CLEC4D: variants seen among roughly 807,000 people sequenced by gnomAD.
The protein encoded by CLEC4D is C-type (calcium dependent, carbohydrate-recognition domain) lectin, superfamily member 8.
Under a neutral mutation model 21.1 loss-of-function variants are expected in CLEC4D, and 21 were observed. The ratio of observed to expected loss-of-function variants is 1.00; its 90% CI spans 0.71 to 1.43. The LOEUF (loss-of-function observed/expected upper bound fraction) is 1.43. Ranked by LOEUF, CLEC4D falls within the 40% of genes most tolerant of loss-of-function variation. The pLI is 0.00. For missense variants in CLEC4D, 289 were observed against 260.7 expected (o/e 1.11, Z -0.75); for synonymous variants, 85 against 83.1 (o/e 1.02, Z -0.12).
chr12:8,519,286 C>G, intron 4 of CLEC4D, 126 bp downstream of exon 4: 1 of 1,368,790 alleles, frequency 7.3e-7, no homozygotes, highest in South Asian at 1.8e-5. Context: ...AAAGCCCTTT[C>G]TTCCTCTTCA....
intron 2 of CLEC4D, 115 bp from the exon 3 acceptor site, chr12:8,518,049 A>G (rs949830298): frequency 1.9e-6 from 1 of 536,262 alleles, no homozygotes; most frequent in South Asian, 3.1e-5. Flanking sequence ...GAAAGAAAAG[A>G]GAATATGAGG....
At chr12:8,527,379 C>T in the CLEC4D span, among the ~76,000 whole-genome samples, 2 of 152,182 alleles carry the variant, frequency 1.3e-5, no homozygotes, top group African/African-American at 2.4e-5. Flanking sequence ...ATTCTGTCCC[C>T]GAGCCTCTGG....
At chr12:8,520,051 G>A (rs745923625) in intron 4 of CLEC4D, among the ~76,000 whole-genome samples, 175 bp from the exon 5 acceptor site, 1 of 152,308 alleles carries the variant, frequency 6.6e-6, no homozygotes, top group Admixed American at 6.5e-5. Flanking sequence ...AGCACTGGGG[G>A]TTTGGTAAGA....
intron 4 of CLEC4D, 33 bp from the exon 5 acceptor site, chr12:8,520,193 T>C: frequency 6.2e-7 from 1 of 1,608,752 alleles, no homozygotes; most frequent in Non-Finnish European, 8.5e-7. Context: ...ACCTGATTCA[T>C]GCAACTATAT....
chr12:8,517,613 C>CA (rs1380548508), intron 2 of CLEC4D, among the ~76,000 whole-genome samples: 1 of 152,110 alleles, frequency 6.6e-6, no homozygotes, highest in Non-Finnish European at 1.5e-5. Context: ...AACATGCTTG[C>CA]AAGCATGTGC....
chr12:8,520,686 G>A (rs948844421), intron 5 of CLEC4D, among the ~76,000 whole-genome samples: 28 of 152,044 alleles, frequency 1.8e-4, no homozygotes, highest in Admixed American at 4.6e-4. Flanking sequence ...AGCCAGTATC[G>A]TTTAGTAAAA....
the CLEC4D span, among the ~76,000 whole-genome samples, chr12:8,527,424 C>A: frequency 1.3e-5 from 2 of 152,192 alleles, no homozygotes; most frequent in Non-Finnish European, 2.9e-5. Flanking sequence ...GGAAGCCCTG[C>A]CCCCTGAGGA....
At chr12:8,528,007 T>A in the CLEC4D span, among the ~76,000 whole-genome samples, 4 of 152,170 alleles carry the variant, frequency 2.6e-5, no homozygotes, top group Non-Finnish European at 5.9e-5. Flanking sequence ...TCTCCGTGGG[T>A]CACACCAGCC....
chr12:8,513,800 G>A, intron 1 of CLEC4D, 40 bp downstream of exon 1: 1 of 887,682 alleles, frequency 1.1e-6, no homozygotes, highest in South Asian at 1.3e-5. Context: ...AGAAGCAGAT[G>A]GAATTATACT....
rs778169936 is a variant in CLEC4D at position 8,518,205 on chromosome 12, G to A, written c.163G>A (p.Val55Met). ...NFSRCKRGTG[V>M]HKLEHHAKLK... Reference sequence around the variant, plus strand: ...TTCACGCTGTAAGAGAGGCACAGGAGTGCACAAGTTAGAGCACCATGCAAA... The same window carrying A: ...TTCACGCTGTAAGAGAGGCACAGGAATGCACAAGTTAGAGCACCATGCAAA... The change falls in exon 3 of 6, where the codon GTG (valine) becomes ATG (methionine). Residue 55 changes from valine to methionine, a missense_variant. Val to Met is a conservative substitution (Grantham distance 21). Coordinates refer to ENST00000299665, the MANE Select transcript of CLEC4D (RefSeq NM_080387.5). The A allele has an allele frequency of 4.4e-5, 63 of 1,436,378 alleles. 1 individual carries two copies. The highest frequency in any genetic ancestry group is 5.1e-5 in the Non-Finnish European group (52 of 1,018,076). The allele number at this position is 1,436,378 out of a possible 1,614,324, so 89.0% of individuals were successfully genotyped here.
the CLEC4D span, among the ~76,000 whole-genome samples, chr12:8,530,999 C>T: frequency 1.3e-5 from 2 of 152,340 alleles, no homozygotes; most frequent in East Asian, 3.9e-4. Context: ...TGGACATCCA[C>T]CTCACCCTGC....
At chr12:8,514,941 T>C (rs765552670) in intron 1 of CLEC4D, among the ~76,000 whole-genome samples, 13 of 152,164 alleles carry the variant, frequency 8.5e-5, no homozygotes, top group Non-Finnish European at 1.8e-4. Context: ...TTGTGTTATA[T>C]AGAAGTTTTA....
the CLEC4D span, among the ~76,000 whole-genome samples, chr12:8,531,080 G>T: frequency 1.3e-5 from 2 of 151,978 alleles, no homozygotes; most frequent in South Asian, 4.1e-4. Flanking sequence ...CCACCCCCAC[G>T]TATGGGCGTC....
At position 8,518,302 on chromosome 12, in the gene CLEC4D, T is replaced by C. The variant is rs201642760; in HGVS notation, c.232+28T>C. 539 of 861,998 alleles carry C rather than the reference T, an allele frequency of 6.3e-4. 9 individuals carry two copies. The South Asian group carries it at 7.4e-3, about 12-fold the overall frequency. The allele number at this position is 861,998 out of a possible 1,614,324, so 53.4% of individuals were successfully genotyped here. On this transcript the variant is annotated intron_variant, in intron 3 of 5. Transcript: ENST00000299665. ...ACAGAGTGTAAGATAATTTCTTTTT[T>C]AATTTCCATTTTCGTTCAAATTCAT... is the stretch of plus-strand genomic sequence containing the variant.
intron 4 of CLEC4D, 110 bp from the exon 5 acceptor site, chr12:8,520,116 C>T: frequency 6.9e-7 from 1 of 1,452,720 alleles, no homozygotes; most frequent in Non-Finnish European, 9.1e-7. Flanking sequence ...TATCTGATGC[C>T]AGAGCTTTTG....
At chr12:8,517,262 T>C (rs1940392724) in intron 2 of CLEC4D, among the ~76,000 whole-genome samples, 1 of 152,178 alleles carries the variant, frequency 6.6e-6, no homozygotes, top group Admixed American at 6.5e-5. Context: ...TAAACTGTTT[T>C]CCACTTTTTT....
intron 5 of CLEC4D, among the ~76,000 whole-genome samples, chr12:8,520,745 T>C (rs1350887529): frequency 6.6e-6 from 1 of 152,208 alleles, no homozygotes; most frequent in African/African-American, 2.4e-5. Context: ...GTTAGTTATA[T>C]TAAGAAAGTA....
downstream of CLEC4D, among the ~76,000 whole-genome samples, chr12:8,523,940 G>T (rs1446075549): frequency 6.6e-6 from 1 of 152,134 alleles, no homozygotes; most frequent in Non-Finnish European, 1.5e-5. Context: ...GGCCTTTTCT[G>T]CGTCTATTGA....
At chr12:8,514,097 G>A (rs1303762104) in intron 1 of CLEC4D, among the ~76,000 whole-genome samples, 1 of 152,048 alleles carries the variant, frequency 6.6e-6, no homozygotes, top group African/African-American at 2.4e-5. Context: ...CTGTATCAGA[G>A]GCTCTAACTG....
Sources: allele counts gnomAD v4.1 joint callset (sites outside exome capture counted in the v4.1 genomes callset), GRCh38; gene constraint gnomAD v4.1.1; transcripts MANE v1.5; gene names NCBI Gene and HGNC (gene_info 2026-07-23, HGNC 2026-07-21).